PXT1: variants seen among roughly 807,000 people sequenced by gnomAD.
PXT1 encodes peroxisomal testis-specific protein 1.
A neutral mutation model predicts 11.0 loss-of-function variants in PXT1; 11 were observed. The observed-to-expected ratio is 1.00, with a 90% CI of 0.63 to 1.66. The LOEUF (loss-of-function observed/expected upper bound fraction) is 1.66. PXT1 is among the 40% of genes most tolerant of loss of function. PXT1 has a pLI of 0.00. For synonymous variants in PXT1, 43 were observed against 51.4 expected, an observed-to-expected ratio of 0.84 and a Z score of 0.70; for missense variants, 141 against 155.5, an observed-to-expected ratio of 0.91 and a Z score of 0.49.
At chr6:36,398,282 G>A (rs1470132620) in intron 4 of PXT1, among the ~76,000 whole-genome samples, 1 of 152,174 alleles carries the variant, frequency 6.6e-6, no homozygotes, top group Non-Finnish European at 1.5e-5. Context: ...GGGCCACAGT[G>A]TATAATAGTG....
intron 3 of PXT1, 109 bp downstream of exon 3, chr6:36,425,805 A>AATAT (rs148236984): frequency 1.7e-3 from 555 of 335,032 alleles, no homozygotes; most frequent in South Asian, 3.2e-3. Context: ...AAAAACAAAA[A>AATAT]ATATATATAT....
intron 2 of PXT1, among the ~76,000 whole-genome samples, chr6:36,431,468 C>T (rs1237533689): frequency 6.6e-6 from 1 of 152,084 alleles, no homozygotes; most frequent in African/African-American, 2.4e-5. Context: ...TCATGTTGGG[C>T]GTTACAAGAG....
chr6:36,416,259 G>A (rs1388644062), intron 3 of PXT1, among the ~76,000 whole-genome samples: 1 of 152,172 alleles, frequency 6.6e-6, no homozygotes, highest in Non-Finnish European at 1.5e-5. Flanking sequence ...TGAAGTGGGA[G>A]GATCGCTTGA....
intron 4 of PXT1, among the ~76,000 whole-genome samples, chr6:36,398,816 C>A (rs1774176493): frequency 1.3e-5 from 2 of 152,116 alleles, no homozygotes; most frequent in African/African-American, 4.8e-5. Flanking sequence ...CCCAGAGATG[C>A]CTTCCCTGAC....
chr6:36,404,695 C>T (rs888226824), intron 3 of PXT1, among the ~76,000 whole-genome samples: 6 of 151,818 alleles, frequency 4.0e-5, no homozygotes, highest in Middle Eastern at 3.4e-3. Flanking sequence ...CAGTGGCTCA[C>T]GCCTGTAATC....
chr6:36,391,865 G>GT lies in PXT1; in HGVS notation c.309dup (p.Gln104ThrfsTer16). On this transcript the variant is annotated frameshift_variant, in exon 5 of 5. Transcript: ENST00000454782. LOFTEE classifies it low-confidence loss of function (END_TRUNC). ...TGATCTAGTGCATCTCTGCCATCCT[G>GT]TTGAAGATCCTATTTGAAAAAAGGG... is the stretch of plus-strand genomic sequence containing the variant. The GT allele has an allele frequency of 6.3e-7, 1 of 1,598,170 alleles. No homozygotes were observed. Among genetic ancestry groups the GT allele is most frequent in the Middle Eastern group, 1.7e-4 (1 of 6,012 alleles).
chr6:36,426,355 C>CTTTTTT lies in PXT1; in HGVS notation c.-9-270_-9-265dup, dbSNP rs751410377. Among the ~76,000 whole-genome samples, 42 of 76,822 alleles carry CTTTTTT rather than the reference C, an allele frequency of 5.5e-4. 2 individuals are homozygous for CTTTTTT. The highest frequency in any genetic ancestry group is 1.1e-3 in the South Asian group (2 of 1,894). The allele number at this position is 76,822 out of a possible 152,430, so 50.4% of individuals were successfully genotyped here. A position where few individuals can be genotyped will look rare whatever the true frequency, so the allele number is the denominator to read the frequency against. ...ATTAGTCTTTCTTCTCTCTCTCTCG[C>CTTTTTT]TTTTTTTTTTTTTTTTTTTTTTTTT... On this transcript the variant is annotated intron_variant, in intron 2 of 4. Coordinates refer to ENST00000454782, the MANE Select transcript of PXT1 (RefSeq NM_152990.4).
intron 4 of PXT1, among the ~76,000 whole-genome samples, chr6:36,397,573 A>G (rs1273549879): frequency 2.0e-5 from 3 of 152,252 alleles, no homozygotes; most frequent in Non-Finnish European, 2.9e-5. Context: ...TTAGAAGAAA[A>G]CATAAGTGTG....
intron 3 of PXT1, among the ~76,000 whole-genome samples, chr6:36,420,414 C>A (rs1023347302): frequency 1.3e-5 from 2 of 152,136 alleles, no homozygotes; most frequent in African/African-American, 4.8e-5. Context: ...AGTGACAAAG[C>A]AAGTAAGAAT....
At chr6:36,403,121 A>G (rs1448461625) in intron 3 of PXT1, among the ~76,000 whole-genome samples, 1 of 151,928 alleles carries the variant, frequency 6.6e-6, no homozygotes, top group Non-Finnish European at 1.5e-5. Context: ...CGGCCTCCCA[A>G]ATGGTGGGAT....
chr6:36,432,507 C>A (rs561554612), intron 2 of PXT1, among the ~76,000 whole-genome samples: 15 of 151,968 alleles, frequency 9.9e-5, no homozygotes, highest in Non-Finnish European at 1.8e-4. Context: ...TTAGCAGATC[C>A]AAGGAAGGTC....
intron 2 of PXT1, among the ~76,000 whole-genome samples, chr6:36,430,972 G>GC (rs1774683982): frequency 6.6e-6 from 1 of 151,770 alleles, no homozygotes; most frequent in Non-Finnish European, 1.5e-5. Flanking sequence ...TCACCACCAC[G>GC]CCCAGCTAAT....
Position 36,402,951 on chromosome 6 carries a change from CTTT to C in PXT1, c.170-2370_170-2368del, listed in dbSNP as rs58955450. 7.8e-4 allele frequency among the ~76,000 whole-genome samples: 112 copies of C among 143,390 alleles called. 1 individual carries two copies. The highest frequency in any genetic ancestry group is 7.7e-4 in the African/African-American group (30 of 39,002). 94.1% of individuals were successfully genotyped at this position (143,390 alleles called of 152,430 possible). The stretch of plus-strand genomic sequence containing the variant: ...TTATTTTTCTTTTCTTTCTTTCTTT[CTTT>C]TTTTTTTTTTTGACACAGTTTCACT... On this transcript the variant is annotated intron_variant, in intron 3 of 4. Coordinates refer to ENST00000454782, the MANE Select transcript of PXT1 (RefSeq NM_152990.4).
intron 3 of PXT1, among the ~76,000 whole-genome samples, chr6:36,416,465 T>C (rs929687250): frequency 2.6e-5 from 4 of 152,196 alleles, no homozygotes; most frequent in African/African-American, 9.7e-5. Flanking sequence ...TTGATGTGCA[T>C]TGTCTTTCCA....
intron 3 of PXT1, among the ~76,000 whole-genome samples, chr6:36,408,539 G>A (rs1351887630): frequency 1.3e-5 from 2 of 151,672 alleles, no homozygotes; most frequent in African/African-American, 4.8e-5. Context: ...GATTACAGGA[G>A]TGAGCCACCA....
At chr6:36,427,120 A>G (rs1774620215) in intron 2 of PXT1, among the ~76,000 whole-genome samples, 1 of 149,270 alleles carries the variant, frequency 6.7e-6, no homozygotes, top group African/African-American at 2.5e-5. Flanking sequence ...CTCCTGCCTC[A>G]CCCTCCCGAG....
At chr6:36,433,869 A>AAG (rs1774728871) in intron 2 of PXT1, among the ~76,000 whole-genome samples, 1 of 151,374 alleles carries the variant, frequency 6.6e-6, no homozygotes, top group African/African-American at 2.4e-5. Flanking sequence ...AGAGATAAGA[A>AAG]AGCCAAATGC....
chr6:36,410,459 GA>G (rs1420739737), intron 3 of PXT1, among the ~76,000 whole-genome samples: 1 of 150,104 alleles, frequency 6.7e-6, no homozygotes, highest in African/African-American at 2.4e-5. Context: ...AGAAATGAAG[GA>G]AGGAAGGAAA....
At chr6:36,400,208 C>A (rs955389969) in intron 4 of PXT1, among the ~76,000 whole-genome samples, 3 of 152,184 alleles carry the variant, frequency 2.0e-5, no homozygotes, top group African/African-American at 4.8e-5. Context: ...AGTCTCAGAT[C>A]TTGCACATCT....
Sources: gnomAD v4.1 joint callset for allele counts (sites outside exome capture counted in the v4.1 genomes callset) on GRCh38, gnomAD v4.1.1 for gene constraint, MANE v1.5 for transcripts, NCBI Gene and HGNC (gene_info 2026-07-23, HGNC 2026-07-21) for gene names.